Variants in ARHGAP22 observed in about 807,000 individuals in gnomAD.
ARHGAP22 encodes Rho GTPase activating protein 22.
ARHGAP22 carries 48 observed loss-of-function variants against 59.1 expected under a neutral mutation model. That is an observed-to-expected ratio of 0.81 (90% CI 0.64 to 1.03). The LOEUF is 1.03. ARHGAP22 is among the 50% of genes least tolerant of loss of function. The pLI, the probability that ARHGAP22 is intolerant of heterozygous loss-of-function variation, is 0.00. For synonymous variants in ARHGAP22, 445 were observed against 416.4 expected, an observed-to-expected ratio of 1.07 and a Z score of -0.84; for missense variants, 1,015 against 958.7, an observed-to-expected ratio of 1.06 and a Z score of -0.78.
chr10:48,467,176 G>A (rs540753424), intron 4 of ARHGAP22, among the ~76,000 whole-genome samples: 5 of 152,244 alleles, frequency 3.3e-5, no homozygotes, highest in Non-Finnish European at 7.3e-5. Flanking sequence ...AGTCTGAGGG[G>A]TATTAGCTTC....
intron 5 of ARHGAP22, among the ~76,000 whole-genome samples, chr10:48,457,425 A>G (rs868602863): frequency 5.3e-5 from 8 of 152,042 alleles, no homozygotes; most frequent in East Asian, 1.9e-4. Flanking sequence ...CCTGGTGTTT[A>G]CTTGTTATCT....
intron 3 of ARHGAP22, among the ~76,000 whole-genome samples, chr10:48,527,967 T>C (rs1314628762): frequency 6.6e-6 from 1 of 152,212 alleles, no homozygotes; most frequent in Non-Finnish European, 1.5e-5. Flanking sequence ...GGGAGGAGGC[T>C]GGACACCAGC....
the ARHGAP22 span, among the ~76,000 whole-genome samples, chr10:48,432,851 A>G: frequency 6.6e-6 from 1 of 152,222 alleles, no homozygotes; most frequent in Non-Finnish European, 1.5e-5. Context: ...CTGGATCCTC[A>G]GTTATAGCTT....
chr10:48,450,483 A>T lies in ARHGAP22; in HGVS notation c.1646T>A (p.Leu549Gln). Residue 549 changes from leucine (L) to glutamine (Q), a missense_variant, in exon 9 of 10, where the codon CTG becomes CAG. Physicochemically the swap from Leu to Gln is moderately radical, Grantham distance 113. Transcript: ENST00000249601. ...ARSSLHTDWA[L>Q]EPSPLPSSSE... is the part of the protein sequence containing the mutation. ...GCTGCTGGGGAGCGGGGAGGGCTCC[A>T]GGGCCCAGTCGGTGTGCAGGGAACT... 1 of 1,536,362 alleles carries T rather than the reference A, an allele frequency of 6.5e-7. No individual in the cohort carries two copies. Among genetic ancestry groups the T allele is most frequent in the Non-Finnish European group, 8.8e-7 (1 of 1,140,184 alleles).
At chr10:48,469,981 C>T (rs1245163048) in intron 4 of ARHGAP22, among the ~76,000 whole-genome samples, 1 of 152,240 alleles carries the variant, frequency 6.6e-6, no homozygotes. Flanking sequence ...CTCCTTGATT[C>T]TGTCTCCTCA....
At chr10:48,518,740 A>T in intron 3 of ARHGAP22, among the ~76,000 whole-genome samples, 1 of 152,188 alleles carries the variant, frequency 6.6e-6, no homozygotes, top group East Asian at 1.9e-4. Context: ...TGGCTACTGG[A>T]GAAGGGACTG....
At chr10:48,644,758 T>C (rs1395033618) in intron 1 of ARHGAP22, among the ~76,000 whole-genome samples, 2 of 152,208 alleles carry the variant, frequency 1.3e-5, no homozygotes, top group East Asian at 3.8e-4. Flanking sequence ...CCAATATTTA[T>C]GGTATACAGC....
rs1167413023 is a variant in ARHGAP22, at chr10:48,446,421, A to C, written c.2067T>G (p.Val689=). Residue 689 remains valine (V), a synonymous_variant, in exon 10 of 10, where the codon GTT becomes GTG. Transcript: ENST00000249601. The part of the protein sequence containing the change: ...EFFSTLGSLT[V]GAKGARAPK Reference sequence around the variant, plus strand: ...TTGGGGCCCTGGCACCTTTTGCCCCAACAGTCAAGCTTCCTAGGGTCGAAA... The same window carrying C: ...TTGGGGCCCTGGCACCTTTTGCCCCCACAGTCAAGCTTCCTAGGGTCGAAA... 6.2e-7 allele frequency: 1 copy of C among 1,614,076 alleles called. No homozygotes were observed. The highest frequency in any genetic ancestry group is 2.2e-5 in the East Asian group (1 of 44,874).
At chr10:48,620,530 C>G (rs2136027963) in intron 1 of ARHGAP22, among the ~76,000 whole-genome samples, 1 of 152,298 alleles carries the variant, frequency 6.6e-6, no homozygotes, top group Middle Eastern at 3.4e-3. Context: ...ATCATTTCCA[C>G]TTTGCTTCAG....
intron 4 of ARHGAP22, among the ~76,000 whole-genome samples, chr10:48,474,425 A>C (rs1270782556): frequency 6.6e-6 from 1 of 152,144 alleles, no homozygotes; most frequent in Admixed American, 6.5e-5. Context: ...GCTTCATTTT[A>C]TTTCATTTTC....
intron 3 of ARHGAP22, among the ~76,000 whole-genome samples, chr10:48,505,737 T>C (rs1461440558): frequency 2.6e-5 from 4 of 152,064 alleles, no homozygotes; most frequent in African/African-American, 9.7e-5. Flanking sequence ...CTGGCTGGGA[T>C]GGAGAGAGGG....
intron 3 of ARHGAP22, among the ~76,000 whole-genome samples, chr10:48,524,646 G>A (rs958427959): frequency 4.6e-5 from 7 of 152,022 alleles, no homozygotes; most frequent in African/African-American, 1.7e-4. Flanking sequence ...TGACTTTGTC[G>A]GGGGTGTTCA....
At chr10:48,460,486 T>A (rs1052983590) in intron 4 of ARHGAP22, among the ~76,000 whole-genome samples, 42 of 152,198 alleles carry the variant, frequency 2.8e-4, no homozygotes, top group African/African-American at 8.9e-4. Context: ...GTAACAAGTG[T>A]TGGCAAGGAT....
At chr10:48,644,407 T>G (rs1470840139) in intron 1 of ARHGAP22, among the ~76,000 whole-genome samples, 1 of 152,220 alleles carries the variant, frequency 6.6e-6, no homozygotes, top group East Asian at 1.9e-4. Context: ...TATAGAAGTC[T>G]TGAACAACAG....
exon 1 of ARHGAP22, chr10:48,652,419 G>GAA (rs778511251): frequency 2.6e-5 from 19 of 740,458 alleles, no homozygotes; most frequent in Non-Finnish European, 3.8e-5. Flanking sequence ...AATATATTTA[G>GAA]AATGCCCTTT....
intron 3 of ARHGAP22, among the ~76,000 whole-genome samples, chr10:48,544,120 CAA>C (rs796158764): frequency 5.7e-5 from 8 of 139,802 alleles, no homozygotes; most frequent in Admixed American, 7.2e-5. Context: ...AAGACTCCGT[CAA>C]AAAAAAAAAA....
intron 1 of ARHGAP22, among the ~76,000 whole-genome samples, chr10:48,650,976 T>C (rs1342447780): frequency 6.6e-6 from 1 of 152,142 alleles, no homozygotes; most frequent in Non-Finnish European, 1.5e-5. Context: ...ACACAGAGCT[T>C]TACTCCTCAC....
chr10:48,652,269 G>A (rs1384646061), exon 1 of ARHGAP22: 2 of 1,535,668 alleles, frequency 1.3e-6, no homozygotes, highest in African/African-American at 2.7e-5. Context: ...CCTTTTGCTG[G>A]AAGCTGTCGG....
intron 1 of ARHGAP22, among the ~76,000 whole-genome samples, chr10:48,592,379 G>A (rs533697749): frequency 5.3e-5 from 8 of 152,240 alleles, no homozygotes; most frequent in African/African-American, 1.4e-4. Context: ...CTCTTACCAC[G>A]TTGGCAATGA....
Sources: gnomAD v4.1 joint callset for allele counts (sites outside exome capture counted in the v4.1 genomes callset) on GRCh38, gnomAD v4.1.1 for gene constraint, MANE v1.5 for transcripts, NCBI Gene and HGNC (gene_info 2026-07-23, HGNC 2026-07-21) for gene names.